ROBO2: variants seen among roughly 807,000 people sequenced by gnomAD.
ROBO2 encodes the protein roundabout homolog 2.
In ROBO2, 53 loss-of-function variants were observed where a neutral mutation model predicts 160.8. That is an observed-to-expected ratio of 0.33 (90% confidence interval 0.26 to 0.41). The LOEUF is 0.41. Ranked by LOEUF, ROBO2 falls within the 10% of genes least tolerant of loss-of-function variation. The pLI is 1.00. For synonymous variants in ROBO2, 664 were observed against 611.7 expected, an observed-to-expected ratio of 1.09 and a Z score of -1.26; for missense variants, 1,577 against 1,722.4, an observed-to-expected ratio of 0.92 and a Z score of 1.49.
At chr3:77,232,536 G>T (rs1233536828) in intron 2 of ROBO2, among the ~76,000 whole-genome samples, 1 of 152,186 alleles carries the variant, frequency 6.6e-6, no homozygotes, top group Admixed American at 6.5e-5. Flanking sequence ...GTTTCTAAAA[G>T]CAGGCTCTGA....
chr3:76,969,645 T>A (rs2059475507), intron 2 of ROBO2, among the ~76,000 whole-genome samples: 1 of 152,168 alleles, frequency 6.6e-6, no homozygotes, highest in Non-Finnish European at 1.5e-5. Context: ...TTTCTACCCC[T>A]TTAGCTTTCC....
intron 2 of ROBO2, among the ~76,000 whole-genome samples, chr3:75,981,956 A>G: frequency 6.7e-6 from 1 of 150,180 alleles, no homozygotes; most frequent in Middle Eastern, 3.2e-3. Flanking sequence ...CCACCCTTCT[A>G]CTTTCTATGT....
At chr3:77,400,633 C>G (rs1392601998) in intron 2 of ROBO2, among the ~76,000 whole-genome samples, 2 of 152,164 alleles carry the variant, frequency 1.3e-5, no homozygotes, top group Non-Finnish European at 2.9e-5. Context: ...TTCTGAGTCA[C>G]ACTTCTTTGA....
chr3:76,067,409 T>C (rs1033838802), intron 2 of ROBO2, among the ~76,000 whole-genome samples: 2 of 152,156 alleles, frequency 1.3e-5, no homozygotes, highest in African/African-American at 4.8e-5. Flanking sequence ...TGGTAGAGAT[T>C]GGCAACCAAA....
chr3:76,090,164 G>T (rs2069172057), intron 2 of ROBO2, among the ~76,000 whole-genome samples: 1 of 152,066 alleles, frequency 6.6e-6, no homozygotes, highest in Non-Finnish European at 1.5e-5. Context: ...TCTCATGAAA[G>T]ATATCAAAAA....
At chr3:77,339,885 C>T (rs990740804) in intron 2 of ROBO2, among the ~76,000 whole-genome samples, 1 of 152,034 alleles carries the variant, frequency 6.6e-6, no homozygotes, top group Non-Finnish European at 1.5e-5. Context: ...GCCCTGCTGG[C>T]AAAATTTTTC....
chr3:77,478,429 T>G (rs2084299758), intron 3 of ROBO2, among the ~76,000 whole-genome samples: 1 of 152,210 alleles, frequency 6.6e-6, no homozygotes, highest in Non-Finnish European at 1.5e-5. Flanking sequence ...GAAAAATAAC[T>G]GTTTTCAAAG....
intron 2 of ROBO2, among the ~76,000 whole-genome samples, chr3:76,579,452 G>A (rs1212493464): frequency 6.6e-6 from 1 of 151,946 alleles, no homozygotes; most frequent in African/African-American, 2.4e-5. Context: ...TACTAAATCT[G>A]TAATGCTACT....
chr3:76,965,785 G>GTGTATATATATATATATATATATA (rs1424338840), intron 2 of ROBO2, among the ~76,000 whole-genome samples: 2 of 129,222 alleles, frequency 1.5e-5, no homozygotes, highest in African/African-American at 6.2e-5. Flanking sequence ...TTGTGTTTGT[G>GTGTATATATATATATATATATATA]TATATATATA....
chr3:76,526,234 A>G (rs1193657075), intron 2 of ROBO2, among the ~76,000 whole-genome samples: 2 of 152,052 alleles, frequency 1.3e-5, no homozygotes, highest in East Asian at 3.9e-4. Context: ...TTAAAGTCAG[A>G]TCATAAGACT....
chr3:76,147,827 T>G (rs2071977767), intron 2 of ROBO2, among the ~76,000 whole-genome samples: 1 of 152,058 alleles, frequency 6.6e-6, no homozygotes, highest in Non-Finnish European at 1.5e-5. Flanking sequence ...GACTGCATTC[T>G]TTGGTGATTA....
intron 2 of ROBO2, among the ~76,000 whole-genome samples, chr3:76,809,581 A>C (rs1285912334): frequency 6.6e-6 from 1 of 152,202 alleles, no homozygotes; most frequent in Non-Finnish European, 1.5e-5. Flanking sequence ...ACAAAGGTGC[A>C]ACTTTAGGAG....
chr3:77,273,532 A>C (rs2059636886), intron 2 of ROBO2, among the ~76,000 whole-genome samples: 1 of 152,130 alleles, frequency 6.6e-6, no homozygotes, highest in African/African-American at 2.4e-5. Context: ...GATGTATTGC[A>C]TAAAATTATA....
chr3:76,777,391 A>G (rs759536662), intron 2 of ROBO2, among the ~76,000 whole-genome samples: 11 of 151,054 alleles, frequency 7.3e-5, no homozygotes, highest in Non-Finnish European at 1.0e-4. Flanking sequence ...TATGTATGAG[A>G]TAAGTAATAA....
At chr3:76,581,506 C>T (rs1444885320) in intron 2 of ROBO2, among the ~76,000 whole-genome samples, 2 of 152,012 alleles carry the variant, frequency 1.3e-5, no homozygotes, top group Admixed American at 6.6e-5. Context: ...GGTGTGGTAG[C>T]ACATGCCTGT....
chr3:76,817,458 G>A (rs762389328), intron 2 of ROBO2, among the ~76,000 whole-genome samples: 80 of 152,198 alleles, frequency 5.3e-4, no homozygotes, highest in Non-Finnish European at 2.6e-4. Context: ...AATTGGTAAA[G>A]AGTGATAATG....
intron 2 of ROBO2, among the ~76,000 whole-genome samples, chr3:76,301,216 G>A (rs565088021): frequency 6.6e-6 from 1 of 152,224 alleles, no homozygotes; most frequent in South Asian, 2.1e-4. Context: ...TATTTAGCCT[G>A]AAGGTGATTT....
chr3:77,117,857 T>C (rs185415135), intron 2 of ROBO2, among the ~76,000 whole-genome samples: 103 of 152,312 alleles, frequency 6.8e-4, no homozygotes, highest in Non-Finnish European at 1.1e-3. Flanking sequence ...ATAAAAATAT[T>C]TTTGAAGCTA....
At chr3:76,136,785 C>T (rs532920011) in intron 2 of ROBO2, among the ~76,000 whole-genome samples, 4 of 151,916 alleles carry the variant, frequency 2.6e-5, no homozygotes, top group Non-Finnish European at 5.9e-5. Flanking sequence ...AATTTAGTGT[C>T]AAAATAAATG....
Sources: gnomAD v4.1 joint callset for allele counts (sites outside exome capture counted in the v4.1 genomes callset) on GRCh38, gnomAD v4.1.1 for gene constraint, MANE v1.5 for transcripts, NCBI Gene and HGNC (gene_info 2026-07-23, HGNC 2026-07-21) for gene names.